The following PPP2R2B variants were observed in gnomAD, a reference collection of about 807,000 sequenced individuals.
The protein encoded by PPP2R2B is serine/threonine-protein phosphatase 2A 55 kDa regulatory subunit B beta isoform.
In PPP2R2B, 5 loss-of-function variants were observed where a neutral mutation model predicts 46.0. The observed-to-expected ratio is 0.11, with a 90% CI of 0.06 to 0.23. The LOEUF is 0.23. PPP2R2B is among the 10% of genes least tolerant of loss of function. The pLI is 1.00. For missense variants in PPP2R2B, 367 were observed against 575.0 expected (o/e 0.64, Z 3.70); for synonymous variants, 215 against 206.7 (o/e 1.04, Z -0.34).
chr5:146,953,250 G>C (rs1751706603), intron 1 of PPP2R2B, among the ~76,000 whole-genome samples: 1 of 152,178 alleles, frequency 6.6e-6, no homozygotes, highest in Non-Finnish European at 1.5e-5. Flanking sequence ...TCGACCTGTA[G>C]CTGTTGCATT....
At chr5:146,787,675 A>T (rs1483699695) in intron 2 of PPP2R2B, among the ~76,000 whole-genome samples, 1 of 151,990 alleles carries the variant, frequency 6.6e-6, no homozygotes, top group Non-Finnish European at 1.5e-5. Flanking sequence ...TGAAGTGATT[A>T]TCTTGCCTCA....
At chr5:146,808,402 A>C (rs572300164) in intron 2 of PPP2R2B, among the ~76,000 whole-genome samples, 1 of 152,184 alleles carries the variant, frequency 6.6e-6, no homozygotes. Context: ...GCTGAAAATC[A>C]TCACTCTATC....
intron 2 of PPP2R2B, among the ~76,000 whole-genome samples, chr5:147,076,689 G>T (rs1483545031): frequency 6.6e-6 from 1 of 152,122 alleles, no homozygotes; most frequent in Non-Finnish European, 1.5e-5. Flanking sequence ...TCTGAGCATT[G>T]TAGTCTTTAG....
chr5:146,848,936 T>C (rs1046038044), intron 2 of PPP2R2B, among the ~76,000 whole-genome samples: 1 of 152,244 alleles, frequency 6.6e-6, no homozygotes, highest in Non-Finnish European at 1.5e-5. Flanking sequence ...AATTCAATGC[T>C]ATATTTTATT....
At chr5:146,664,233 T>C (rs970741630) in intron 5 of PPP2R2B, among the ~76,000 whole-genome samples, 9 of 152,234 alleles carry the variant, frequency 5.9e-5, no homozygotes, top group Non-Finnish European at 1.0e-4. Context: ...ATTATGGTGT[T>C]TGACAGCACT....
intron 1 of PPP2R2B, among the ~76,000 whole-genome samples, chr5:146,914,682 G>A (rs1274102205): frequency 1.3e-5 from 2 of 152,150 alleles, no homozygotes; most frequent in Admixed American, 1.3e-4. Flanking sequence ...TGAGTAGATG[G>A]GGACACTGGC....
intron 6 of PPP2R2B, among the ~76,000 whole-genome samples, chr5:146,648,190 A>G (rs897194493): frequency 6.6e-6 from 1 of 152,112 alleles, no homozygotes; most frequent in Non-Finnish European, 1.5e-5. Context: ...GGCTCAGAGG[A>G]ATCTCCCACT....
chr5:146,880,179 T>TTGTG (rs57151657), upstream of PPP2R2B, among the ~76,000 whole-genome samples: 4,661 of 138,158 alleles, frequency 0.034, 84 homozygotes, highest in African/African-American at 0.055. Context: ...CATAGTTATT[T>TTGTG]TGTGTGTGTG....
At chr5:146,686,313 A>G (rs909581301) in intron 5 of PPP2R2B, among the ~76,000 whole-genome samples, 1 of 152,198 alleles carries the variant, frequency 6.6e-6, no homozygotes, top group African/African-American at 2.4e-5. Flanking sequence ...AGACAGTGAC[A>G]AGAGCTAAGC....
intron 7 of PPP2R2B, among the ~76,000 whole-genome samples, chr5:146,622,385 C>T (rs1370779270): frequency 6.6e-6 from 1 of 152,172 alleles, no homozygotes; most frequent in African/African-American, 2.4e-5. Flanking sequence ...GGATACTTAG[C>T]TGTACAGAGG....
At chr5:147,081,003 G>C in intron 2 of PPP2R2B, 1 of 1,469,938 alleles carries the variant, frequency 6.8e-7, no homozygotes, top group African/African-American at 1.4e-5. Flanking sequence ...TTTTAATTTT[G>C]AAATCAGCAC....
intron 2 of PPP2R2B, among the ~76,000 whole-genome samples, chr5:146,722,108 C>G (rs1780840854): frequency 6.6e-6 from 1 of 152,174 alleles, no homozygotes. Context: ...TTGGCAGAAC[C>G]AGCCTTCTAA....
chr5:146,817,547 GCCTTTTC>G (rs1019099499), intron 2 of PPP2R2B, among the ~76,000 whole-genome samples: 2 of 152,042 alleles, frequency 1.3e-5, no homozygotes, highest in African/African-American at 2.4e-5. Context: ...TTTATTGTGA[GCCTTTTC>G]CCTTTTAATG....
intron 1 of PPP2R2B, among the ~76,000 whole-genome samples, chr5:147,005,665 G>A (rs1400150871): frequency 6.6e-6 from 1 of 151,846 alleles, no homozygotes; most frequent in Non-Finnish European, 1.5e-5. Context: ...GAAAGAGACA[G>A]GAAGTCAGAG....
In PPP2R2B at chr5:146,587,019, C is replaced by A. The variant is rs1213840947; in HGVS notation, c.*2928G>T. On this transcript the variant is annotated 3_prime_UTR_variant, in exon 10 of 10. Coordinates refer to ENST00000394411, the MANE Select transcript of PPP2R2B (RefSeq NM_181675.4). Reference sequence around the variant, plus strand: ...TTTTCCTTCATTCAACTGACACCCTCCAGTTGTAATCTGATGGCTCTTACC... The same window carrying A: ...TTTTCCTTCATTCAACTGACACCCTACAGTTGTAATCTGATGGCTCTTACC... 1.3e-5 allele frequency: 2 copies of A among 152,166 alleles called. No individual in the cohort carries two copies. The highest frequency in any genetic ancestry group is 2.9e-5 in the Non-Finnish European group (2 of 68,046). The allele number at this position is 152,166 out of a possible 1,614,324, so 9.4% of individuals were successfully genotyped here.
At chr5:146,688,118 G>A (rs1232330026) in intron 5 of PPP2R2B, among the ~76,000 whole-genome samples, 1 of 152,086 alleles carries the variant, frequency 6.6e-6, no homozygotes, top group Non-Finnish European at 1.5e-5. Context: ...GGACTTTTCA[G>A]TGTTTAAAGA....
rs11372355 is a variant in PPP2R2B, at chr5:146,649,414, AT to A, written c.625+1132del. On this transcript the variant is annotated intron_variant, in intron 6 of 9. Coordinates refer to ENST00000394411, the MANE Select transcript of PPP2R2B (RefSeq NM_181675.4). ...GAAAATACTGGCCCAGCTATTCAGC[AT>A]TTTTTTTTTTTACCTTTCTATATAT... Among the ~76,000 whole-genome samples, 1,247 of 144,986 alleles carry A rather than the reference AT, an allele frequency of 8.6e-3. 6 individuals are homozygous for A. Among genetic ancestry groups the A allele is most frequent in the African/African-American group, 0.025 (1,011 of 39,982 alleles).
At chr5:146,771,953 C>G (rs1403877426) in intron 2 of PPP2R2B, among the ~76,000 whole-genome samples, 4 of 152,096 alleles carry the variant, frequency 2.6e-5, no homozygotes, top group Admixed American at 2.0e-4. Flanking sequence ...GATACAAATT[C>G]TATTTCAAAA....
rs560174663 is a variant in PPP2R2B, at chr5:146,792,140, C to A, written c.70+85862G>T. 4.6e-5 allele frequency among the ~76,000 whole-genome samples: 7 copies of A among 152,226 alleles called. No homozygotes were observed. In the South Asian group the frequency reaches 1.0e-3, roughly 23 times the overall value. On this transcript the variant is annotated intron_variant, in intron 2 of 9. Coordinates refer to ENST00000394411, the MANE Select transcript of PPP2R2B (RefSeq NM_181675.4). Reference sequence around the variant, plus strand: ...AAGCAGAGGACAGAGACTATTGAACCCGGGTAACATAGCTAGGCTCTAGAT... The same window carrying A: ...AAGCAGAGGACAGAGACTATTGAACACGGGTAACATAGCTAGGCTCTAGAT...
Sources: gnomAD v4.1 joint callset for allele counts (sites outside exome capture counted in the v4.1 genomes callset) on GRCh38, gnomAD v4.1.1 for gene constraint, MANE v1.5 for transcripts, NCBI Gene and HGNC (gene_info 2026-07-23, HGNC 2026-07-21) for gene names.